Variants in HS3ST5 observed in about 807,000 individuals in gnomAD.
HS3ST5 encodes the protein heparan sulfate glucosamine 3-O-sulfotransferase 5.
In HS3ST5, 10 loss-of-function variants were observed where a neutral mutation model predicts 25.4. That is an observed-to-expected ratio of 0.39 (90% confidence interval 0.24 to 0.67). HS3ST5 has a LOEUF of 0.67. Among genes scored for constraint, HS3ST5 ranks in the 30% least tolerant of loss-of-function variants. HS3ST5 has a pLI of 0.44. For missense variants in HS3ST5, 324 were observed against 420.7 expected (o/e 0.77, Z 2.01); for synonymous variants, 170 against 162.4 (o/e 1.05, Z -0.36).
intron 4 of HS3ST5, chr6:114,059,275 T>C (rs2114696741): frequency 6.6e-6 from 1 of 152,338 alleles, no homozygotes; most frequent in African/African-American, 2.4e-5. Context: ...ATTTTAGCCT[T>C]CTTGGTAAAA....
chr6:114,184,674 CAATAAG>C (rs1780133450), intron 2 of HS3ST5, among the ~76,000 whole-genome samples: 1 of 152,172 alleles, frequency 6.6e-6, no homozygotes, highest in Non-Finnish European at 1.5e-5. Flanking sequence ...TTTCAATAGG[CAATAAG>C]ATCTCTGTCC....
At chr6:114,213,665 C>T (rs1253268853) in intron 2 of HS3ST5, among the ~76,000 whole-genome samples, 3 of 152,068 alleles carry the variant, frequency 2.0e-5, no homozygotes, top group Non-Finnish European at 4.4e-5. Flanking sequence ...AGGTACAATC[C>T]CAGTTTTATC....
chr6:114,191,904 A>G (rs1005997204), intron 2 of HS3ST5, among the ~76,000 whole-genome samples: 3 of 152,162 alleles, frequency 2.0e-5, no homozygotes, highest in African/African-American at 7.2e-5. Flanking sequence ...CCAACACGGC[A>G]TTTAAATTTC....
chr6:114,177,586 A>G (rs1348169259), intron 2 of HS3ST5, among the ~76,000 whole-genome samples: 1 of 152,204 alleles, frequency 6.6e-6, no homozygotes, highest in African/African-American at 2.4e-5. Context: ...ACTCTTTGTC[A>G]GCACTTTATT....
chr6:114,256,220 C>T (rs1772907402), intron 1 of HS3ST5, among the ~76,000 whole-genome samples: 1 of 152,006 alleles, frequency 6.6e-6, no homozygotes, highest in African/African-American at 2.4e-5. Flanking sequence ...AACCTCGTCT[C>T]TACTAAAAAC....
chr6:114,067,519 C>T (rs12198186), intron 3 of HS3ST5, among the ~76,000 whole-genome samples: 35,218 of 152,088 alleles, frequency 0.23, 4,361 homozygotes, highest in Non-Finnish European at 0.25. Context: ...ACCTAACTCT[C>T]GCTTTATGAT....
At chr6:114,198,916 A>G (rs1319112727) in intron 2 of HS3ST5, among the ~76,000 whole-genome samples, 2 of 152,100 alleles carry the variant, frequency 1.3e-5, no homozygotes, top group Non-Finnish European at 2.9e-5. Flanking sequence ...GTAGCTACCT[A>G]GAGACTCAGT....
chr6:114,092,805 T>C (rs1775200139), intron 3 of HS3ST5, among the ~76,000 whole-genome samples: 1 of 151,672 alleles, frequency 6.6e-6, no homozygotes, highest in Non-Finnish European at 1.5e-5. Context: ...GCCTCCCAAG[T>C]AGTAGGATTA....
intron 1 of HS3ST5, among the ~76,000 whole-genome samples, chr6:114,250,699 AG>A (rs1210784651): frequency 6.6e-6 from 1 of 152,232 alleles, no homozygotes; most frequent in Non-Finnish European, 1.5e-5. Flanking sequence ...CTTGAATAAA[AG>A]TTTGCTTTTT....
chr6:114,103,017 G>A (rs765996661), intron 3 of HS3ST5, among the ~76,000 whole-genome samples: 3 of 152,100 alleles, frequency 2.0e-5, no homozygotes, highest in Admixed American at 1.3e-4. Context: ...AATCAATACT[G>A]TACTTTTAAA....
At chr6:114,173,727 C>T (rs1282552500) in intron 2 of HS3ST5, among the ~76,000 whole-genome samples, 3 of 151,910 alleles carry the variant, frequency 2.0e-5, no homozygotes, top group South Asian at 2.1e-4. Context: ...GACGTAGTCG[C>T]GGGTACCTGT....
chr6:114,069,824 T>A (rs1379810867), intron 3 of HS3ST5, among the ~76,000 whole-genome samples: 2 of 152,050 alleles, frequency 1.3e-5, no homozygotes, highest in African/African-American at 4.8e-5. Context: ...ACCCGGCCCA[T>A]GGGAGACTTT....
chr6:114,264,178 C>A (rs1773302549), intron 1 of HS3ST5, among the ~76,000 whole-genome samples: 1 of 152,036 alleles, frequency 6.6e-6, no homozygotes, highest in South Asian at 2.1e-4. Flanking sequence ...GTATGATATC[C>A]TTATATGCAG....
intron 1 of HS3ST5, among the ~76,000 whole-genome samples, chr6:114,301,423 T>C (rs1429513062): frequency 1.7e-4 from 26 of 152,170 alleles, no homozygotes; most frequent in Non-Finnish European, 1.5e-4. Context: ...ACACTTGTTG[T>C]CTTAGCTCAC....
chr6:114,069,564 G>A (rs930515105), intron 3 of HS3ST5, among the ~76,000 whole-genome samples: 2 of 150,492 alleles, frequency 1.3e-5, no homozygotes, highest in African/African-American at 4.9e-5. Flanking sequence ...CTGTCGCCAG[G>A]CTGGATTGCA....
At chr6:114,179,093 T>G (rs2115019656) in intron 2 of HS3ST5, 1 of 152,330 alleles carries the variant, frequency 6.6e-6, no homozygotes, top group African/African-American at 2.4e-5. Flanking sequence ...GGTACATAGC[T>G]GGGAGCCTGC....
chr6:114,154,080 G>A (rs1382507762), intron 3 of HS3ST5, among the ~76,000 whole-genome samples: 6 of 152,154 alleles, frequency 3.9e-5, no homozygotes, highest in Admixed American at 3.9e-4. Flanking sequence ...GGCAAATCCA[G>A]ATGCTGAAGG....
intron 1 of HS3ST5, among the ~76,000 whole-genome samples, chr6:114,281,524 C>A (rs1197615701): frequency 3.9e-5 from 6 of 151,966 alleles, no homozygotes; most frequent in Non-Finnish European, 5.9e-5. Context: ...ATTTTCCAAT[C>A]ACCTGTGGCC....
chr6:114,306,256 T>TATATATATGTACAC (rs756494412), intron 1 of HS3ST5, among the ~76,000 whole-genome samples: 25 of 115,406 alleles, frequency 2.2e-4, no homozygotes, highest in South Asian at 5.1e-4. Context: ...TATATATATA[T>TATATATATGTACAC]ACACACACAC....
Sources: allele counts gnomAD v4.1 joint callset (sites outside exome capture counted in the v4.1 genomes callset), GRCh38; gene constraint gnomAD v4.1.1; transcripts MANE v1.5; gene names NCBI Gene and HGNC (gene_info 2026-07-23, HGNC 2026-07-21).